The following SPON1 variants were observed in gnomAD, a reference collection of about 807,000 sequenced individuals.
SPON1 encodes spondin 1, also known as spondin-1.
A neutral mutation model predicts 111.7 loss-of-function variants in SPON1; 52 were observed. That is an observed-to-expected ratio of 0.47 (90% CI 0.37 to 0.59). SPON1 has a LOEUF of 0.59. SPON1 is among the 20% of genes least tolerant of loss of function. The probability of loss-of-function intolerance (pLI) is 0.00; values close to 1 mark genes in which losing one functional copy is unlikely to be tolerated. For missense variants in SPON1, 957 were observed against 1,068.5 expected (o/e 0.90, Z 1.46); for synonymous variants, 410 against 395.8 (o/e 1.04, Z -0.43).
chr11:14,140,755 G>A (rs1847644496), intron 6 of SPON1, among the ~76,000 whole-genome samples: 1 of 151,938 alleles, frequency 6.6e-6, no homozygotes, highest in South Asian at 2.1e-4. Context: ...TCAAGTGATG[G>A]TGTCTTTACA....
intron 6 of SPON1, among the ~76,000 whole-genome samples, chr11:14,195,920 T>G (rs1194434089): frequency 1.3e-5 from 2 of 152,136 alleles, no homozygotes; most frequent in Non-Finnish European, 2.9e-5. Flanking sequence ...GGTCTGAGGG[T>G]GTATACATTC....
At chr11:14,091,025 G>A (rs782790210) in intron 5 of SPON1, among the ~76,000 whole-genome samples, 69 of 152,132 alleles carry the variant, frequency 4.5e-4, no homozygotes, top group African/African-American at 1.6e-3. Context: ...ACAGCGTGTC[G>A]ATTGGTGCAC....
chr11:14,220,220 A>G (rs1381695843), intron 6 of SPON1, among the ~76,000 whole-genome samples: 1 of 152,168 alleles, frequency 6.6e-6, no homozygotes, highest in South Asian at 2.1e-4. Flanking sequence ...AAGTTTGGGT[A>G]GTGTGAGCCA....
At chr11:13,998,737 A>G (rs1426276569) in intron 2 of SPON1, among the ~76,000 whole-genome samples, 1 of 152,128 alleles carries the variant, frequency 6.6e-6, no homozygotes, top group African/African-American at 2.4e-5. Context: ...ATTGATGGAT[A>G]TCTGCTGCTG....
At chr11:13,978,043 C>A (rs149706756) in intron 1 of SPON1, among the ~76,000 whole-genome samples, 27 of 152,228 alleles carry the variant, frequency 1.8e-4, no homozygotes, top group African/African-American at 6.5e-4. Flanking sequence ...CCTAATACAT[C>A]CTTTGTCATA....
intron 4 of SPON1, among the ~76,000 whole-genome samples, chr11:14,075,740 T>C (rs949071187): frequency 2.6e-5 from 4 of 152,172 alleles, no homozygotes; most frequent in Non-Finnish European, 4.4e-5. Flanking sequence ...GAATGCACAA[T>C]TGTGTACCTT....
chr11:14,175,825 A>G (rs781817026), intron 6 of SPON1, among the ~76,000 whole-genome samples: 1 of 152,156 alleles, frequency 6.6e-6, no homozygotes, highest in Non-Finnish European at 1.5e-5. Context: ...AGAGAAAATT[A>G]CCCTTTACTG....
chr11:14,248,260 A>C (rs1217184530), intron 7 of SPON1, among the ~76,000 whole-genome samples: 1 of 152,204 alleles, frequency 6.6e-6, no homozygotes, highest in African/African-American at 2.4e-5. Context: ...TGAGCTGTGA[A>C]CAGAGCATGA....
chr11:14,051,616 TA>T (rs1848708415), intron 3 of SPON1, among the ~76,000 whole-genome samples: 1 of 152,150 alleles, frequency 6.6e-6, no homozygotes, highest in African/African-American at 2.4e-5. Context: ...TGGCCATCTT[TA>T]AACCATGAAG....
chr11:14,089,258 C>G (rs1204995712), intron 5 of SPON1, among the ~76,000 whole-genome samples: 1 of 152,140 alleles, frequency 6.6e-6, no homozygotes, highest in South Asian at 2.1e-4. Context: ...TTATCCTCAT[C>G]TTCATGGATT....
intron 7 of SPON1, among the ~76,000 whole-genome samples, chr11:14,249,845 G>T (rs1849033785): frequency 6.6e-6 from 1 of 152,228 alleles, no homozygotes; most frequent in South Asian, 2.1e-4. Context: ...GGGGTAGGAT[G>T]ATGATGCTCC....
intron 6 of SPON1, among the ~76,000 whole-genome samples, chr11:14,159,254 G>T (rs1554930681): frequency 6.6e-6 from 1 of 151,940 alleles, no homozygotes; most frequent in Non-Finnish European, 1.5e-5. Flanking sequence ...TTTTTTTGAT[G>T]CCTTTGGAAA....
chr11:14,163,319 A>G (rs958273737), intron 6 of SPON1, among the ~76,000 whole-genome samples: 1 of 152,198 alleles, frequency 6.6e-6, no homozygotes, highest in Non-Finnish European at 1.5e-5. Flanking sequence ...GATAAGTGCA[A>G]AATTCAAGTC....
intron 9 of SPON1, among the ~76,000 whole-genome samples, chr11:14,256,370 A>G (rs958186278): frequency 1.3e-5 from 2 of 152,232 alleles, no homozygotes; most frequent in Non-Finnish European, 2.9e-5. Flanking sequence ...TTGATTACTA[A>G]TATCTGCCAT....
chr11:14,130,770 GT>G (rs1256701420), intron 5 of SPON1, among the ~76,000 whole-genome samples: 1 of 151,152 alleles, frequency 6.6e-6, no homozygotes, highest in East Asian at 2.0e-4. Context: ...GAACTCCTGA[GT>G]TTTACAACTT....
At chr11:14,142,934 C>T (rs1404839785) in intron 6 of SPON1, among the ~76,000 whole-genome samples, 2 of 152,162 alleles carry the variant, frequency 1.3e-5, no homozygotes, top group African/African-American at 4.8e-5. Flanking sequence ...TCCACACTGC[C>T]CCCAGTGTCA....
intron 2 of SPON1, among the ~76,000 whole-genome samples, chr11:14,027,511 G>A (rs976658943): frequency 6.6e-6 from 1 of 152,192 alleles, no homozygotes; most frequent in Non-Finnish European, 1.5e-5. Context: ...TAAACCACCA[G>A]CACAGTGACT....
At chr11:13,986,254 G>A (rs1372179681) in intron 2 of SPON1, among the ~76,000 whole-genome samples, 2 of 152,130 alleles carry the variant, frequency 1.3e-5, no homozygotes, top group Admixed American at 1.3e-4. Flanking sequence ...AAATGCCATT[G>A]TAATTAAATA....
chr11:14,243,247 G>A (rs1235182742), intron 6 of SPON1, 85 bp from the exon 7 acceptor site: 7 of 1,274,552 alleles, frequency 5.5e-6, no homozygotes, highest in South Asian at 1.3e-5. Flanking sequence ...GAGGGAGTGG[G>A]GGTGAATGGT....
Sources: allele counts gnomAD v4.1 joint callset (sites outside exome capture counted in the v4.1 genomes callset), GRCh38; gene constraint gnomAD v4.1.1; transcripts MANE v1.5; gene names NCBI Gene and HGNC (gene_info 2026-07-23, HGNC 2026-07-21).